Variants in ASB15 observed in about 807,000 individuals in gnomAD.
ASB15 encodes the protein ankyrin repeat and SOCS box protein 15.
In ASB15, 54 loss-of-function variants were observed where a neutral mutation model predicts 58.0. The ratio of observed to expected loss-of-function variants is 0.93; its 90% confidence interval spans 0.75 to 1.17. The LOEUF (loss-of-function observed/expected upper bound fraction) is 1.17. Among genes scored for constraint, ASB15 ranks in the 50% most tolerant of loss-of-function variants. The pLI, the probability that ASB15 is intolerant of heterozygous loss-of-function variation, is 0.00. For missense variants in ASB15, 680 were observed against 707.4 expected (o/e 0.96, Z 0.44); for synonymous variants, 249 against 262.4 (o/e 0.95, Z 0.50).
At chr7:123,629,465 G>C (rs371037323) in intron 10 of ASB15, 31 bp downstream of exon 10, 6 of 1,484,524 alleles carry the variant, frequency 4.0e-6, no homozygotes, top group Middle Eastern at 1.8e-4. Context: ...TTTATATTGA[G>C]TTATCATCCT....
At chr7:123,633,214 G>T (rs1336298390) in intron 11 of ASB15, among the ~76,000 whole-genome samples, 1 of 152,150 alleles carries the variant, frequency 6.6e-6, no homozygotes, top group African/African-American at 2.4e-5. Flanking sequence ...AGAGTTAAAA[G>T]GGAGAAGATG....
chr7:123,626,337 T>C (rs1208944345), intron 8 of ASB15, among the ~76,000 whole-genome samples: 1 of 152,130 alleles, frequency 6.6e-6, no homozygotes, highest in African/African-American at 2.4e-5. Flanking sequence ...AACCCTGTGG[T>C]GGCACATGCC....
chr7:123,628,797 G>C, intron 9 of ASB15, 67 bp from the exon 10 acceptor site: 1 of 1,101,930 alleles, frequency 9.1e-7, no homozygotes, highest in Non-Finnish European at 1.3e-6. Context: ...TATCTAGTGA[G>C]AACGGTAGTT....
At chr7:123,625,091 C>T in intron 8 of ASB15, 1 of 368,036 alleles carries the variant, frequency 2.7e-6, no homozygotes, top group Non-Finnish European at 5.0e-6. Context: ...CCCATCAGGG[C>T]CTCATGCTCA....
chr7:123,604,668 C>G (rs901548171), intron 2 of ASB15, among the ~76,000 whole-genome samples: 2 of 151,846 alleles, frequency 1.3e-5, no homozygotes, highest in Non-Finnish European at 2.9e-5. Context: ...ACTGAGGCTA[C>G]CAATTACTTA....
Position 123,638,244 on chromosome 7 carries a change from C to A in ASB15, c.*1263C>A, listed in dbSNP as rs1198682022. ...TTCACTTCTCTGCTTAAGATCATTC[C>A]CATTGCTCTTAAATTCCAAAGTTCT... On this transcript the variant is annotated 3_prime_UTR_variant, in exon 12 of 12. Transcript: ENST00000451215. 6.6e-6 allele frequency: 1 copy of A among 152,198 alleles called. No homozygotes were observed. The highest frequency in any genetic ancestry group is 1.5e-5 in the Non-Finnish European group (1 of 68,020). The allele number at this position is 152,198 out of a possible 1,614,324, so 9.4% of individuals were successfully genotyped here. A position where few individuals can be genotyped will look rare whatever the true frequency, so the allele number is the denominator to read the frequency against.
chr7:123,569,558 TGAGA>T (rs1798850497), intron 1 of ASB15, among the ~76,000 whole-genome samples: 1 of 152,036 alleles, frequency 6.6e-6, no homozygotes, highest in Non-Finnish European at 1.5e-5. Flanking sequence ...TGGAAGGAAG[TGAGA>T]GAGTCAGTGC....
intron 11 of ASB15, among the ~76,000 whole-genome samples, chr7:123,633,994 A>C (rs1802277817): frequency 6.6e-6 from 1 of 152,224 alleles, no homozygotes; most frequent in African/African-American, 2.4e-5. Context: ...AATTGAAGCC[A>C]ATCTATTTAA....
rs986158497 is a variant in ASB15 at position 123,627,297 on chromosome 7, T to C, written c.869+16T>C. ...GGCATTATCTGTGAGTGATAAATTA[T>C]AGGGTAATTATTTGAGTTAAAAATG... On this transcript the variant is annotated intron_variant, in intron 9 of 11. Transcript: ENST00000451215. 8.8e-6 allele frequency: 14 copies of C among 1,591,692 alleles called. No homozygotes were observed. Among genetic ancestry groups the C allele is most frequent in the African/African-American group, 2.7e-5 (2 of 74,438 alleles).
intron 1 of ASB15, among the ~76,000 whole-genome samples, chr7:123,591,479 C>T (rs7785312): frequency 0.29 from 44,713 of 151,906 alleles, 6,711 homozygotes; most frequent in East Asian, 0.4. Context: ...ATTCCATCAA[C>T]ATCTAGTTTA....
chr7:123,599,431 G>C (rs1799802399), upstream of ASB15, among the ~76,000 whole-genome samples: 1 of 152,168 alleles, frequency 6.6e-6, no homozygotes, highest in Non-Finnish European at 1.5e-5. Flanking sequence ...CATTGTAGAG[G>C]GTAGATGGGA....
chr7:123,591,558 A>C (rs1449969619), intron 1 of ASB15, among the ~76,000 whole-genome samples: 1 of 152,172 alleles, frequency 6.6e-6, no homozygotes. Context: ...TGAGATAATC[A>C]TGTGGTTTTT....
At chr7:123,580,087 T>C (rs1353277078) in intron 1 of ASB15, among the ~76,000 whole-genome samples, 8 of 151,892 alleles carry the variant, frequency 5.3e-5, no homozygotes, top group Admixed American at 4.6e-4. Context: ...GAAAAATTCA[T>C]GGAGATGGAG....
At position 123,636,878 on chromosome 7, in the gene ASB15, G is replaced by A. The variant is rs1802455734; in HGVS notation, c.1664G>A (p.Cys555Tyr). 6.2e-7 allele frequency: 1 copy of A among 1,607,160 alleles called. No individual in the cohort carries two copies. Among genetic ancestry groups the A allele is most frequent in the South Asian group, 1.1e-5 (1 of 90,944 alleles). ...AGGCTTATGGGTCTCCAGAAACTCT[G>A]CCAGCCAGCCTCAGTGGAGAAGCTT... ...IRRLMGLQKL[C>Y]QPASVEKLPL... Residue 555 changes from cysteine to tyrosine, a missense_variant, in exon 12 of 12, where the codon TGC becomes TAC. Transcript: ENST00000451215.
chr7:123,600,797 C>A (rs1799850364), upstream of ASB15, among the ~76,000 whole-genome samples: 1 of 152,046 alleles, frequency 6.6e-6, no homozygotes, highest in East Asian at 1.9e-4. Context: ...ATAAAACTGG[C>A]AAATTCACTA....
chr7:123,623,444 G>C (rs1801466098), intron 7 of ASB15, among the ~76,000 whole-genome samples: 1 of 152,170 alleles, frequency 6.6e-6, no homozygotes, highest in African/African-American at 2.4e-5. Context: ...TGAGCAGAGA[G>C]GGAGAGGGAC....
rs770731681 is a variant in ASB15 at position 123,629,166 on chromosome 7, A to G, written c.1172A>G (p.Asn391Ser). The change falls in exon 10 of 12, where the codon AAT becomes AGT. Residue 391 changes from asparagine (N) to serine (S), a missense_variant. Asn to Ser is a conservative substitution (Grantham distance 46). Transcript: ENST00000451215. ...TGTCTACTTGTTGCAGTGAGGGCCA[A>G]TAATTATGAAATTGTCAGGCTGCTT... The part of the protein sequence containing the change: ...LNCLLVAVRA[N>S]NYEIVRLLLS... The G allele has an allele frequency of 2.2e-5, 35 of 1,614,022 alleles. No individual in the cohort carries two copies. Among genetic ancestry groups the G allele is most frequent in the Non-Finnish European group, 2.6e-5 (31 of 1,179,988 alleles).
intron 1 of ASB15, among the ~76,000 whole-genome samples, chr7:123,581,627 G>T (rs955357060): frequency 1.3e-5 from 2 of 151,850 alleles, no homozygotes; most frequent in Non-Finnish European, 2.9e-5. Context: ...ATTGTGAGGA[G>T]AATTTGCTAC....
chr7:123,633,358 A>G (rs182380179), intron 11 of ASB15, among the ~76,000 whole-genome samples: 141 of 152,144 alleles, frequency 9.3e-4, no homozygotes, highest in African/African-American at 3.1e-3. Flanking sequence ...AAATATTGAT[A>G]GTGATATAAT....
Sources: allele counts gnomAD v4.1 joint callset (sites outside exome capture counted in the v4.1 genomes callset), GRCh38; gene constraint gnomAD v4.1.1; transcripts MANE v1.5; gene names NCBI Gene and HGNC (gene_info 2026-07-23, HGNC 2026-07-21).